LACTB: variants seen among roughly 807,000 people sequenced by gnomAD.
LACTB encodes the protein serine beta-lactamase-like protein LACTB, mitochondrial.
LACTB carries 35 observed loss-of-function variants against 50.2 expected under a neutral mutation model. The observed-to-expected ratio is 0.70, with a 90% confidence interval of 0.53 to 0.92. The LOEUF (loss-of-function observed/expected upper bound fraction) is 0.92, where lower values mean the gene tolerates loss of function less well. Among genes scored for constraint, LACTB ranks in the 40% least tolerant of loss-of-function variants. The pLI, the probability that LACTB is intolerant of heterozygous loss-of-function variation, is 0.00. For missense variants in LACTB, 664 were observed against 691.8 expected, an observed-to-expected ratio of 0.96 and a Z score of 0.45; for synonymous variants, 252 against 268.2, an observed-to-expected ratio of 0.94 and a Z score of 0.59.
At chr15:63,130,961 C>T (rs914065882) in intron 5 of LACTB, 2 of 152,276 alleles carry the variant, frequency 1.3e-5, no homozygotes, top group African/African-American at 4.8e-5. Flanking sequence ...TTTTCTAATT[C>T]CATCATCCAT....
At chr15:63,132,381 A>T (rs938611885) in intron 5 of LACTB, among the ~76,000 whole-genome samples, 11 of 152,112 alleles carry the variant, frequency 7.2e-5, no homozygotes, top group African/African-American at 2.7e-4. Context: ...AAAGGACATG[A>T]TTTTGTTCTT....
chr15:63,138,986 G>A (rs1270909471), intron 5 of LACTB, among the ~76,000 whole-genome samples: 1 of 149,200 alleles, frequency 6.7e-6, no homozygotes, highest in African/African-American at 2.5e-5. Flanking sequence ...AGAGATCACA[G>A]TGTGCCGAGA....
intron 5 of LACTB, among the ~76,000 whole-genome samples, chr15:63,139,934 C>CAAATAAAAAAAAA (rs2037213293): frequency 7.1e-6 from 1 of 141,418 alleles, no homozygotes; most frequent in African/African-American, 2.7e-5. Context: ...TCATCTCTAC[C>CAAATAAAAAAAAA]AAAAAAAAAA....
chr15:63,135,040 A>T (rs2037164097), intron 5 of LACTB, among the ~76,000 whole-genome samples: 1 of 152,174 alleles, frequency 6.6e-6, no homozygotes, highest in Admixed American at 6.5e-5. Context: ...TTTCCATTTT[A>T]TTATTTGATT....
intron 5 of LACTB, among the ~76,000 whole-genome samples, chr15:63,138,976 A>G (rs2652819): frequency 0.75 from 111,843 of 148,768 alleles, 42,432 homozygotes; most frequent in East Asian, 1. Flanking sequence ...TCCGGGAGGC[A>G]GAGATCACAG....
At chr15:63,122,282 G>C in intron 1 of LACTB, 54 bp downstream of exon 1, 1 of 1,415,840 alleles carries the variant, frequency 7.1e-7, no homozygotes, top group Non-Finnish European at 9.4e-7. Context: ...CCCTGTCGGC[G>C]GTGCTGTCGG....
chr15:63,126,996 C>T lies in LACTB; in HGVS notation c.562C>T (p.Pro188Ser), dbSNP rs753526102. 9.3e-6 allele frequency: 15 copies of T among 1,612,992 alleles called. No individual in the cohort carries two copies. Among genetic ancestry groups the T allele is most frequent in the Non-Finnish European group, 1.3e-5 (15 of 1,179,358 alleles). Residue 188 changes from proline (P) to serine (S), a missense_variant, in exon 3 of 6, where the codon CCA becomes TCA. Transcript: ENST00000261893. ...AGCAGGGAAACTGGATCTTGATATT[C>T]CAGTACAACATTATGTTCCCGAATT... Reference protein sequence around the residue: ...WEAGKLDLDIPVQHYVPEFPE... With the variant: ...WEAGKLDLDISVQHYVPEFPE...
chr15:63,125,743 G>A (rs1234576751), intron 2 of LACTB: 1 of 151,730 alleles, frequency 6.6e-6, no homozygotes, highest in African/African-American at 2.4e-5. Context: ...GCAGTGGTGT[G>A]ATCTTGGCTC....
In LACTB at chr15:63,129,514, T is replaced by C. The variant is rs1186944065; in HGVS notation, c.982T>C (p.Tyr328His). 3 of 1,607,588 alleles carry C rather than the reference T, an allele frequency of 1.9e-6. No individual in the cohort carries two copies. Among genetic ancestry groups the C allele is most frequent in the Non-Finnish European group, 2.5e-6 (3 of 1,177,304 alleles). ...GSQFLYSTFG[Y>H]TLLAAIVERA... Reference sequence around the variant, plus strand: ...TCAGTTTTTGTATTCAACTTTTGGCTATACCCTACTGGCAGCCATAGTAGA... The same window carrying C: ...TCAGTTTTTGTATTCAACTTTTGGCCATACCCTACTGGCAGCCATAGTAGA... The change falls in exon 5 of 6, where the codon TAT becomes CAT. Residue 328 changes from tyrosine to histidine, a missense_variant. By Grantham distance (83) the Tyr-to-His change is moderately conservative. Coordinates refer to ENST00000261893, the MANE Select transcript of LACTB (RefSeq NM_032857.5).
At chr15:63,135,764 AG>A (rs909191351) in intron 5 of LACTB, among the ~76,000 whole-genome samples, 31 of 152,342 alleles carry the variant, frequency 2.0e-4, no homozygotes, top group African/African-American at 7.5e-4. Flanking sequence ...ATCTAAAAAA[AG>A]ATTCTCTAGT....
chr15:63,129,298 C>T (rs930168860), intron 4 of LACTB, 187 bp from the exon 5 acceptor site: 1 of 431,772 alleles, frequency 2.3e-6, no homozygotes. Flanking sequence ...GTGTTAAGGA[C>T]TTGGAATAAG....
At chr15:63,128,018 T>C (rs1486336320) in intron 4 of LACTB, among the ~76,000 whole-genome samples, 1 of 152,238 alleles carries the variant, frequency 6.6e-6, no homozygotes. Context: ...GCTGATATTT[T>C]AGTATTTAGT....
At chr15:63,129,802 A>T in intron 5 of LACTB, 152 bp downstream of exon 5, 1 of 1,018,026 alleles carries the variant, frequency 9.8e-7, no homozygotes, top group Non-Finnish European at 1.3e-6. Context: ...TGTAAAGTGA[A>T]GGAAGTAAAA....
Position 63,139,172 on chromosome 15 carries a change from A to C in LACTB, c.1119-2108A>C, listed in dbSNP as rs190449586. 9.6e-3 allele frequency among the ~76,000 whole-genome samples: 1,405 copies of C among 146,412 alleles called. 30 individuals carry two copies. The highest frequency in any genetic ancestry group is 0.033 in the African/African-American group (1,305 of 39,374). On this transcript the variant is annotated intron_variant, in intron 5 of 5. Transcript: ENST00000261893. ...AAAACCAGCCTGGCCAACATGATGA[A>C]GCCCCGTCTCTACTAAAAATCCAAA... is the stretch of plus-strand genomic sequence containing the variant.
At position 63,121,980 on chromosome 15, in the gene LACTB, G is replaced by C. The variant is rs1291347840; in HGVS notation, c.109G>C (p.Gly37Arg). Residue 37 changes from glycine (G) to arginine (R), a missense_variant, in exon 1 of 6, where the codon GGC becomes CGC. Gly to Arg is a moderately radical substitution (Grantham distance 125, BLOSUM62 -2). Coordinates refer to ENST00000261893, the MANE Select transcript of LACTB (RefSeq NM_032857.5). ...VHQRAGLPPL[G>R]HGWVGGLGLG... Reference sequence around the variant, plus strand: ...TCAGCGCGCCGGGCTGCCGCCTCTCGGCCACGGCTGGGTCGGGGGCCTCGG... The same window carrying C: ...TCAGCGCGCCGGGCTGCCGCCTCTCCGCCACGGCTGGGTCGGGGGCCTCGG... 1.1e-5 allele frequency: 15 copies of C among 1,367,638 alleles called. No individual in the cohort carries two copies. Among genetic ancestry groups the C allele is most frequent in the Non-Finnish European group, 1.4e-5 (15 of 1,068,176 alleles). The allele number at this position is 1,367,638 out of a possible 1,614,324, so 84.7% of individuals were successfully genotyped here.
Position 63,141,851 on chromosome 15 carries a change from T to C in LACTB, c.*46T>C, listed in dbSNP as rs2037232679. ...CAAAATGAGTTGTTCTGAGGTTTTTTTGAAACATTAAAGTTCCAAAACATG... is the reference window on the plus strand; with the variant it reads ...CAAAATGAGTTGTTCTGAGGTTTTTCTGAAACATTAAAGTTCCAAAACATG... On this transcript the variant is annotated 3_prime_UTR_variant, in exon 6 of 6. Coordinates refer to ENST00000261893, the MANE Select transcript of LACTB (RefSeq NM_032857.5). 1 of 1,502,390 alleles carries C rather than the reference T, an allele frequency of 6.7e-7. No individual in the cohort carries two copies. Among genetic ancestry groups the C allele is most frequent in the South Asian group, 1.2e-5 (1 of 80,070 alleles). 93.1% of individuals were successfully genotyped at this position (1,502,390 alleles called of 1,614,324 possible).
At chr15:63,135,916 A>G (rs1224504901) in intron 5 of LACTB, among the ~76,000 whole-genome samples, 4 of 152,208 alleles carry the variant, frequency 2.6e-5, no homozygotes, top group African/African-American at 4.8e-5. Flanking sequence ...CTAGAAATTA[A>G]GTCTCTGTGA....
intron 5 of LACTB, among the ~76,000 whole-genome samples, chr15:63,132,298 T>C (rs1300642865): frequency 2.0e-5 from 3 of 152,188 alleles, no homozygotes; most frequent in East Asian, 3.9e-4. Flanking sequence ...AGTGAGAATA[T>C]GTGGTATTTG....
chr15:63,137,044 A>G (rs2037184468), intron 5 of LACTB, among the ~76,000 whole-genome samples: 1 of 152,216 alleles, frequency 6.6e-6, no homozygotes, highest in South Asian at 2.1e-4. Context: ...TCTTTTGCTC[A>G]GATTTGAGTC....
Sources: allele counts gnomAD v4.1 joint callset (sites outside exome capture counted in the v4.1 genomes callset), GRCh38; gene constraint gnomAD v4.1.1; transcripts MANE v1.5; gene names NCBI Gene and HGNC (gene_info 2026-07-23, HGNC 2026-07-21).